RHPN2: variants seen among roughly 807,000 people sequenced by gnomAD.
The protein encoded by RHPN2 is rhophilin-2.
Under a neutral mutation model 79.0 loss-of-function variants are expected in RHPN2, and 40 were observed. The ratio of observed to expected loss-of-function variants is 0.51; its 90% CI spans 0.39 to 0.66. The LOEUF (loss-of-function observed/expected upper bound fraction) is 0.66, where lower values mean the gene tolerates loss of function less well. Ranked by LOEUF, RHPN2 falls within the 30% of genes least tolerant of loss-of-function variation. The pLI, the probability that RHPN2 is intolerant of heterozygous loss-of-function variation, is 0.00. For synonymous variants in RHPN2, 285 were observed against 363.5 expected, an observed-to-expected ratio of 0.78 and a Z score of 2.46; for missense variants, 686 against 883.5, an observed-to-expected ratio of 0.78 and a Z score of 2.83.
At chr19:32,984,508 A>T (rs1215985265) in intron 14 of RHPN2, among the ~76,000 whole-genome samples, 1 of 151,986 alleles carries the variant, frequency 6.6e-6, no homozygotes, top group African/African-American at 2.4e-5. Context: ...AAAATACAAA[A>T]ATTAGCCAGA....
At chr19:32,996,884 T>A (rs1971706613) in intron 10 of RHPN2, among the ~76,000 whole-genome samples, 1 of 151,568 alleles carries the variant, frequency 6.6e-6, no homozygotes, top group Admixed American at 6.6e-5. Context: ...TATTAAAATA[T>A]TATTTTTTTC....
chr19:32,981,130 A>G (rs1425429042), intron 14 of RHPN2, among the ~76,000 whole-genome samples: 1 of 152,030 alleles, frequency 6.6e-6, no homozygotes, highest in Admixed American at 6.6e-5. Context: ...CGGCCCAACA[A>G]GGATAATTTT....
chr19:33,029,527 GAA>G (rs374028038), intron 2 of RHPN2, among the ~76,000 whole-genome samples: 3 of 81,560 alleles, frequency 3.7e-5, no homozygotes, highest in Non-Finnish European at 2.7e-5. Context: ...CTCTATCTCA[GAA>G]AAAAAAAAAA....
chr19:33,052,418 T>C (rs1242830033), intron 1 of RHPN2, among the ~76,000 whole-genome samples: 1 of 152,186 alleles, frequency 6.6e-6, no homozygotes. Context: ...CTGGGCCAGC[T>C]CCCAGCCAGA....
chr19:32,997,229 C>T (rs1302381466), intron 10 of RHPN2, among the ~76,000 whole-genome samples: 1 of 152,192 alleles, frequency 6.6e-6, no homozygotes, highest in East Asian at 1.9e-4. Flanking sequence ...ATGTAATAAC[C>T]TCACTTGTGT....
chr19:33,063,696 G>GC (rs891780297), intron 1 of RHPN2, among the ~76,000 whole-genome samples: 2 of 152,144 alleles, frequency 1.3e-5, no homozygotes, highest in African/African-American at 4.8e-5. Flanking sequence ...GTATCCCAGG[G>GC]CCCCTGCTCC....
At chr19:32,997,515 A>T (rs1971712388) in intron 10 of RHPN2, among the ~76,000 whole-genome samples, 1 of 150,806 alleles carries the variant, frequency 6.6e-6, no homozygotes, top group Non-Finnish European at 1.5e-5. Context: ...CTTGAGACGG[A>T]GTCTTGCTCT....
intron 2 of RHPN2, among the ~76,000 whole-genome samples, chr19:33,035,030 C>T (rs1353642769): frequency 2.0e-5 from 3 of 151,942 alleles, no homozygotes; most frequent in Non-Finnish European, 4.4e-5. Flanking sequence ...TGCAGTGGTA[C>T]GATCTTGGCT....
intron 14 of RHPN2, 22 bp downstream of exon 14, chr19:32,990,492 C>T: frequency 6.2e-7 from 1 of 1,613,540 alleles, no homozygotes; most frequent in East Asian, 2.2e-5. Flanking sequence ...CACTGACTGC[C>T]CAGGGAGGTG....
chr19:33,056,934 C>A (rs1972237395), intron 1 of RHPN2, among the ~76,000 whole-genome samples: 1 of 150,020 alleles, frequency 6.7e-6, no homozygotes, highest in Admixed American at 6.7e-5. Context: ...ATGGTGAAAC[C>A]CCATCTCTAA....
chr19:33,055,370 A>G (rs959103303), intron 1 of RHPN2, among the ~76,000 whole-genome samples: 1 of 151,864 alleles, frequency 6.6e-6, no homozygotes, highest in African/African-American at 2.4e-5. Flanking sequence ...CTTTAAAAAA[A>G]AAAAAAGCTG....
chr19:32,999,323 A>G (rs1971729930), intron 10 of RHPN2, among the ~76,000 whole-genome samples: 1 of 152,052 alleles, frequency 6.6e-6, no homozygotes, highest in Admixed American at 6.6e-5. Context: ...GACACATGCC[A>G]CCCTGTGGAC....
At chr19:33,005,826 G>C (rs112277911) in intron 7 of RHPN2, among the ~76,000 whole-genome samples, 2,608 of 152,186 alleles carry the variant, frequency 0.017, 47 homozygotes, top group Non-Finnish European at 0.021. Flanking sequence ...TACAGCAAAA[G>C]AAATCAACTC....
At position 33,048,662 on chromosome 19, in the gene RHPN2, G is replaced by A. The variant is rs28418276; in HGVS notation, c.70-4298C>T. On this transcript the variant is annotated intron_variant, in intron 1 of 14. Coordinates refer to ENST00000254260, the MANE Select transcript of RHPN2 (RefSeq NM_033103.5). ...AATCACTTGAACCCGGGAGGCAGAG[G>A]TTGCAGTGAGCCAAGATAACACCAC... is the stretch of plus-strand genomic sequence containing the variant. Among the ~76,000 whole-genome samples, 1,276 of 136,838 alleles carry A rather than the reference G, an allele frequency of 9.3e-3. 30 individuals are homozygous for A. The highest frequency in any genetic ancestry group is 0.035 in the African/African-American group (1,222 of 35,170). 89.8% of individuals were successfully genotyped at this position (136,838 alleles called of 152,430 possible). A position where few individuals can be genotyped will look rare whatever the true frequency, so the allele number is the denominator to read the frequency against.
chr19:33,015,326 G>A (rs1568316626), intron 4 of RHPN2, among the ~76,000 whole-genome samples: 1 of 152,202 alleles, frequency 6.6e-6, no homozygotes, highest in Non-Finnish European at 1.5e-5. Context: ...TCAGGAGGCT[G>A]AGGCAGGAGA....
chr19:33,010,963 G>A (rs1971830862), intron 6 of RHPN2, among the ~76,000 whole-genome samples: 1 of 152,226 alleles, frequency 6.6e-6, no homozygotes, highest in East Asian at 1.9e-4. Context: ...CATTACAGGT[G>A]TGAGCCACTG....
At position 32,990,157 on chromosome 19, in the gene RHPN2, G is replaced by GAAAGAAAA. The variant is rs1182822897; in HGVS notation, c.1800+356_1800+357insTTTTCTTT. Reference sequence around the variant, plus strand: ...ATGAATAAAGAAAGAAAGAAAGAAAGAAAGAAAGAGCGAGCCAGGGGTGGT... The same window carrying GAAAGAAAA: ...ATGAATAAAGAAAGAAAGAAAGAAAGAAAGAAAAAAAGAAAGAGCGAGCCAGGGGTGGT... On this transcript the variant is annotated intron_variant, in intron 14 of 14. Transcript: ENST00000254260. Among the ~76,000 whole-genome samples, 11 of 151,388 alleles carry GAAAGAAAA rather than the reference G, an allele frequency of 7.3e-5. 1 individual carries two copies. The highest frequency in any genetic ancestry group is 2.7e-4 in the African/African-American group (11 of 41,236).
intron 14 of RHPN2, among the ~76,000 whole-genome samples, chr19:32,983,512 C>CA (rs765955793): frequency 0.025 from 3,461 of 136,856 alleles, 312 homozygotes; most frequent in Admixed American, 0.18. Flanking sequence ...GAGACTGTCT[C>CA]AAAAAAAAAA....
At chr19:32,981,240 G>A (rs555454305) in intron 14 of RHPN2, among the ~76,000 whole-genome samples, 4 of 151,942 alleles carry the variant, frequency 2.6e-5, no homozygotes, top group South Asian at 2.1e-4. Context: ...TCATGGTCAC[G>A]AATATGAAAG....
Sources: gnomAD v4.1 joint callset for allele counts (sites outside exome capture counted in the v4.1 genomes callset) on GRCh38, gnomAD v4.1.1 for gene constraint, MANE v1.5 for transcripts, NCBI Gene and HGNC (gene_info 2026-07-23, HGNC 2026-07-21) for gene names.